The following LTBP1 variants were observed in gnomAD, a reference collection of about 807,000 sequenced individuals.
LTBP1 encodes the protein latent-transforming growth factor beta-binding protein 1.
A neutral mutation model predicts 207.6 loss-of-function variants in LTBP1; 129 were observed. The observed-to-expected ratio is 0.62, with a 90% CI of 0.54 to 0.72. LTBP1 has a LOEUF of 0.72. Among genes scored for constraint, LTBP1 ranks in the 30% least tolerant of loss-of-function variants. The probability of loss-of-function intolerance (pLI) is 0.00; values close to 1 mark genes in which losing one functional copy is unlikely to be tolerated. For synonymous variants in LTBP1, 963 were observed against 833.7 expected, an observed-to-expected ratio of 1.16 and a Z score of -2.67; for missense variants, 2,281 against 2,217.2, an observed-to-expected ratio of 1.03 and a Z score of -0.58.
intron 24 of LTBP1, among the ~76,000 whole-genome samples, chr2:33,342,469 A>C (rs1476255936): frequency 6.6e-6 from 1 of 152,246 alleles, no homozygotes; most frequent in African/African-American, 2.4e-5. Context: ...ACTGCAACTA[A>C]AACAAGTGAC....
At chr2:33,371,337 C>A (rs1331140396) in intron 31 of LTBP1, among the ~76,000 whole-genome samples, 2 of 152,204 alleles carry the variant, frequency 1.3e-5, no homozygotes, top group African/African-American at 4.8e-5. Context: ...TCCCCTTTCA[C>A]AGTACCCGCT....
chr2:33,115,465 CTG>C (rs1442361526), intron 4 of LTBP1, among the ~76,000 whole-genome samples: 3 of 152,098 alleles, frequency 2.0e-5, no homozygotes, highest in Admixed American at 6.5e-5. Flanking sequence ...AATAAAAAAA[CTG>C]AATTATACAC....
chr2:33,139,368 T>C (rs1435572829), intron 5 of LTBP1, among the ~76,000 whole-genome samples: 1 of 152,142 alleles, frequency 6.6e-6, no homozygotes, highest in Non-Finnish European at 1.5e-5. Context: ...GTATAAAACA[T>C]GGTAGTAGAT....
rs577218046 is a variant in LTBP1 at position 33,039,450 on chromosome 2, C to T, written c.863+18244C>T. 8.5e-5 allele frequency among the ~76,000 whole-genome samples: 13 copies of T among 152,286 alleles called. No homozygotes were observed. In the East Asian group the frequency reaches 1.7e-3, roughly 20 times the overall value. ...TATTGTATCCATCTTGAGTGTCCTT[C>T]TTACCTCTTATACTACATTTATCAT... On this transcript the variant is annotated intron_variant, in intron 3 of 33. Transcript: ENST00000404816.
intron 11 of LTBP1, 93 bp downstream of exon 11, chr2:33,252,937 CT>C: frequency 1.8e-6 from 2 of 1,085,464 alleles, no homozygotes; most frequent in Non-Finnish European, 2.5e-6. Context: ...TGGTTTCTGA[CT>C]TTAATTTTTA....
chr2:33,259,618 A>G lies in LTBP1; in HGVS notation c.2418+8A>G, dbSNP rs774754611. On this transcript the variant is annotated splice_region_variant and intron_variant, in intron 13 of 33. Transcript: ENST00000404816. ...ACTGCACCCCCTGAAAAGGTAATTT[A>G]TTCATTGCTTGCAAGTCTTTTTTTT... 2 of 1,601,688 alleles carry G rather than the reference A, an allele frequency of 1.2e-6. No homozygotes were observed. Among genetic ancestry groups the G allele is most frequent in the Non-Finnish European group, 1.7e-6 (2 of 1,174,804 alleles).
At chr2:33,035,373 TAG>T (rs1474177559) in intron 3 of LTBP1, among the ~76,000 whole-genome samples, 3 of 152,100 alleles carry the variant, frequency 2.0e-5, no homozygotes, top group Admixed American at 2.0e-4. Flanking sequence ...TTTGAAAAAT[TAG>T]AGAGGAAAAA....
intron 33 of LTBP1, among the ~76,000 whole-genome samples, chr2:33,398,144 A>C (rs2095376527): frequency 6.6e-6 from 1 of 152,156 alleles, no homozygotes; most frequent in African/African-American, 2.4e-5. Context: ...CAAAATGCTC[A>C]TGTTTTGCTA....
chr2:33,065,295 C>A (rs1051340156), intron 3 of LTBP1, among the ~76,000 whole-genome samples: 1 of 152,160 alleles, frequency 6.6e-6, no homozygotes, highest in Non-Finnish European at 1.5e-5. Context: ...GGTGGTTATA[C>A]CTGTAATCCC....
chr2:32,948,946 G>A lies in LTBP1; in HGVS notation c.565+1G>A, dbSNP rs149392195. 1.2e-6 allele frequency: 2 copies of A among 1,614,004 alleles called. No individual in the cohort carries two copies. Among genetic ancestry groups the A allele is most frequent in the African/African-American group, 1.3e-5 (1 of 74,898 alleles). The stretch of plus-strand genomic sequence containing the variant: ...CCTGGCTCCCAGAGGTGCACCAAAC[G>A]TAAGTTGCCATGTTCACAGTGGCCC... On this transcript the variant is annotated splice_donor_variant, in intron 2 of 33. Coordinates refer to ENST00000404816, the MANE Select transcript of LTBP1 (RefSeq NM_206943.4). LOFTEE classifies it high-confidence loss of function.
intron 2 of LTBP1, among the ~76,000 whole-genome samples, chr2:32,990,195 A>G (rs1684195617): frequency 6.6e-6 from 1 of 152,174 alleles, no homozygotes; most frequent in African/African-American, 2.4e-5. Flanking sequence ...TACTCTATCG[A>G]TATTCCATGC....
At chr2:33,138,341 G>T (rs761137815) in intron 5 of LTBP1, among the ~76,000 whole-genome samples, 29 of 152,198 alleles carry the variant, frequency 1.9e-4, no homozygotes, top group Admixed American at 5.2e-4. Flanking sequence ...GAAGCACTCT[G>T]AGATTCTAGA....
intron 18 of LTBP1, among the ~76,000 whole-genome samples, chr2:33,276,576 C>T (rs542377896): frequency 7.1e-4 from 108 of 152,240 alleles, no homozygotes; most frequent in Non-Finnish European, 1.2e-3. Flanking sequence ...TGAGGCCAGG[C>T]ACGGTGGCTC....
At chr2:33,326,640 AATTTATTTATTT>A (rs10529829) in intron 24 of LTBP1, among the ~76,000 whole-genome samples, 1 of 144,590 alleles carries the variant, frequency 6.9e-6, no homozygotes, top group Non-Finnish European at 1.5e-5. Context: ...TGAGGGATAT[AATTTATTTATTT>A]ATTTATTTAT....
At chr2:33,107,932 G>A (rs2080160656) in intron 3 of LTBP1, among the ~76,000 whole-genome samples, 1 of 152,098 alleles carries the variant, frequency 6.6e-6, no homozygotes, top group African/African-American at 2.4e-5. Flanking sequence ...AGGGAAGGGA[G>A]GAGGAAATCC....
rs143042875 is a variant in LTBP1 at position 33,044,867 on chromosome 2, C to T, written c.863+23661C>T. Among the ~76,000 whole-genome samples, 375 of 152,126 alleles carry T rather than the reference C, an allele frequency of 2.5e-3. 1 individual carries two copies. Among genetic ancestry groups the T allele is most frequent in the Non-Finnish European group, 3.7e-3 (249 of 67,996 alleles). ...TTTGCATTTCTCTAATGGCCAGTGA[C>T]GATGAGCTTTTTTTCATGTGTGTTG... On this transcript the variant is annotated intron_variant, in intron 3 of 33. Coordinates refer to ENST00000404816, the MANE Select transcript of LTBP1 (RefSeq NM_206943.4).
At chr2:33,011,553 G>A (rs954262154) in intron 2 of LTBP1, among the ~76,000 whole-genome samples, 1 of 151,844 alleles carries the variant, frequency 6.6e-6, no homozygotes, top group South Asian at 2.1e-4. Flanking sequence ...GGGAGAAGAC[G>A]GCCATCTACA....
chr2:33,100,693 T>C (rs1047480489), intron 3 of LTBP1, among the ~76,000 whole-genome samples: 2 of 151,972 alleles, frequency 1.3e-5, no homozygotes, highest in Non-Finnish European at 2.9e-5. Flanking sequence ...ACAGTAATTC[T>C]CTCTCTCTCT....
At chr2:33,141,687 T>C (rs2082655735) in intron 5 of LTBP1, among the ~76,000 whole-genome samples, 1 of 152,168 alleles carries the variant, frequency 6.6e-6, no homozygotes, top group African/African-American at 2.4e-5. Flanking sequence ...AGCAGGGACC[T>C]GATGAAGTGG....
Sources: gnomAD v4.1 joint callset for allele counts (sites outside exome capture counted in the v4.1 genomes callset) on GRCh38, gnomAD v4.1.1 for gene constraint, MANE v1.5 for transcripts, NCBI Gene and HGNC (gene_info 2026-07-23, HGNC 2026-07-21) for gene names.